Variants in ZNF439 observed in about 807,000 individuals in gnomAD.
The protein encoded by ZNF439 is zinc finger protein 439.
A neutral mutation model predicts 47.3 loss-of-function variants in ZNF439; 40 were observed. The ratio of observed to expected loss-of-function variants is 0.85; its 90% CI spans 0.66 to 1.10. The LOEUF (loss-of-function observed/expected upper bound fraction) is 1.10, where lower values mean the gene tolerates loss of function less well. Among genes scored for constraint, ZNF439 ranks in the 50% least tolerant of loss-of-function variants. The pLI is 0.00. For missense variants in ZNF439, 556 were observed against 601.1 expected, an observed-to-expected ratio of 0.93 and a Z score of 0.78; for synonymous variants, 171 against 198.8, an observed-to-expected ratio of 0.86 and a Z score of 1.18.
Position 11,867,432 on chromosome 19 carries a change from T to G in ZNF439, c.378T>G (p.Cys126Trp), listed in dbSNP as rs771449229. The change falls in exon 4 of 4, where the codon TGT (cysteine) becomes TGG (tryptophan). Residue 126 changes from cysteine (C) to tryptophan (W), a missense_variant. Cys to Trp is a radical substitution (Grantham distance 215). Coordinates refer to ENST00000682736, the MANE Select transcript of ZNF439 (RefSeq NM_001348719.2). Reference sequence around the variant, plus strand: ...AAGCTTCTCCTGAAGTAAAATCATGTGACAGCTTTGTGTGTGAAGTTGGCC... The same window carrying G: ...AAGCTTCTCCTGAAGTAAAATCATGGGACAGCTTTGTGTGTGAAGTTGGCC... ...KKKASPEVKS[C>W]DSFVCEVGLG... 5 of 1,614,088 alleles carry G rather than the reference T, an allele frequency of 3.1e-6. No homozygotes were observed. Among genetic ancestry groups the G allele is most frequent in the Non-Finnish European group, 4.2e-6 (5 of 1,179,958 alleles).
At position 11,869,248 on chromosome 19, in the gene ZNF439, TG is replaced by T; in HGVS notation, c.*682del. The T allele has an allele frequency of 4.5e-6, 1 of 222,448 alleles. No homozygotes were observed. The highest frequency in any genetic ancestry group is 9.8e-6 in the Non-Finnish European group (1 of 102,360). 13.8% of individuals were successfully genotyped at this position (222,448 alleles called of 1,614,324 possible). A position where few individuals can be genotyped will look rare whatever the true frequency, so the allele number is the denominator to read the frequency against. ...AGAAACCGTATCAATGTAAGCAATG[TG>T]GGAAAGCCGTCAGATCAGCCTCAAG... On this transcript the variant is annotated 3_prime_UTR_variant, in exon 4 of 4. Transcript: ENST00000682736.
intron 1 of ZNF439, 136 bp from the exon 2 acceptor site, chr19:11,866,069 G>A: frequency 1.3e-6 from 2 of 1,528,512 alleles, no homozygotes; most frequent in East Asian, 2.3e-5. Context: ...TAGACAGAGA[G>A]AAAGGGATCT....
rs748091468 is a variant in ZNF439, at chr19:11,866,316, A to T, written c.175A>T (p.Asn59Tyr). The change falls in exon 2 of 4, where the codon AAC becomes TAC. Residue 59 changes from asparagine to tyrosine, a missense_variant. Physicochemically the swap from Asn to Tyr is moderately radical, Grantham distance 143. Transcript: ENST00000682736. Reference protein sequence around the residue: ...YREVMLETFWNLTSIGKKWKD... With the variant: ...YREVMLETFWYLTSIGKKWKD... ...GGAAGTGATGCTGGAAACTTTCTGG[A>T]ACCTGACCTCTATAGGTAAGGATGA... is the stretch of plus-strand genomic sequence containing the variant. 1.2e-6 allele frequency: 2 copies of T among 1,614,098 alleles called. No homozygotes were observed. The highest frequency in any genetic ancestry group is 1.6e-4 in the Middle Eastern group (1 of 6,062).
In ZNF439 at chr19:11,868,238, C is replaced by G. The variant is rs752019484; in HGVS notation, c.1184C>G (p.Ala395Gly). ...TATAAATGCAAGCAATGTGGTAAAG[C>G]CTTCACTCGTTCCGGTTCCTTTCGA... ...KPYKCKQCGK[A>G]FTRSGSFRYH... The change falls in exon 4 of 4, where the codon GCC becomes GGC. Residue 395 changes from alanine (A) to glycine (G), a missense_variant. Transcript: ENST00000682736. 6.8e-6 allele frequency: 11 copies of G among 1,613,942 alleles called. No individual in the cohort carries two copies. Among genetic ancestry groups the G allele is most frequent in the African/African-American group, 1.3e-5 (1 of 74,894 alleles).
rs1156945207 is a variant in ZNF439, at chr19:11,867,369, C to T, written c.315C>T (p.Thr105=). 6 of 1,613,870 alleles carry T rather than the reference C, an allele frequency of 3.7e-6. No individual in the cohort carries two copies. The highest frequency in any genetic ancestry group is 5.1e-6 in the Non-Finnish European group (6 of 1,179,844). ...ACAGTCATTGTGGAGAAACTTTTAC[C>T]CCAGTTCCAGATGACAGGCTGAACT... The part of the protein sequence containing the change: ...KEDSHCGETF[T]PVPDDRLNFQ... Residue 105 remains threonine, a synonymous_variant, in exon 4 of 4, where the codon ACC becomes ACT. Coordinates refer to ENST00000682736, the MANE Select transcript of ZNF439 (RefSeq NM_001348719.2).
In ZNF439 at chr19:11,861,335, GTACACCCTCCTATC is replaced by G. The variant is rs1976534595; in HGVS notation, c.64-4868_64-4855del. On this transcript the variant is annotated intron_variant, in intron 1 of 3. Coordinates refer to ENST00000682736, the MANE Select transcript of ZNF439 (RefSeq NM_001348719.2). Reference sequence around the variant, plus strand: ...AACTGTACAGGGTGATGTGTCTTCAGTACACCCTCCTATCTTTTCCTGGTTTTGGGTTTTAGAAC... The same window carrying G: ...AACTGTACAGGGTGATGTGTCTTCAGTTTTCCTGGTTTTGGGTTTTAGAAC... Among the ~76,000 whole-genome samples, 3 of 152,312 alleles carry G rather than the reference GTACACCCTCCTATC, an allele frequency of 2.0e-5. No homozygotes were observed. In the South Asian group the frequency reaches 6.2e-4, roughly 32 times the overall value.
chr19:11,862,668 G>A (rs1337813173), intron 1 of ZNF439, among the ~76,000 whole-genome samples: 1 of 152,018 alleles, frequency 6.6e-6, no homozygotes, highest in Non-Finnish European at 1.5e-5. Flanking sequence ...ACTGTCACCA[G>A]CATTTGGAAG....
rs369402827 is a variant in ZNF439, at chr19:11,865,553, G to A, written c.64-652G>A. On this transcript the variant is annotated intron_variant, in intron 1 of 3. Transcript: ENST00000682736. ...CAATGTCATCAAAGATTACACTTTG[G>A]GAACAGGCATTTTCAAGGATACACA... 2.1e-4 allele frequency among the ~76,000 whole-genome samples: 31 copies of A among 150,412 alleles called. No homozygotes were observed. In the South Asian group the frequency reaches 6.4e-3, roughly 31 times the overall value.
At chr19:11,858,176 A>G (rs1976438218) in intron 1 of ZNF439, 1 of 152,188 alleles carries the variant, frequency 6.6e-6, no homozygotes, top group South Asian at 2.1e-4. Context: ...AGAAAGGTCT[A>G]TGCCGGGCGC....
At chr19:11,860,285 CA>C (rs1017057704) in intron 1 of ZNF439, among the ~76,000 whole-genome samples, 1 of 151,214 alleles carries the variant, frequency 6.6e-6, no homozygotes, top group African/African-American at 2.4e-5. Context: ...ACTAAAAATA[CA>C]AAAAAAAATT....
chr19:11,863,625 A>G (rs1976598666), intron 1 of ZNF439, among the ~76,000 whole-genome samples: 1 of 152,062 alleles, frequency 6.6e-6, no homozygotes, highest in South Asian at 2.1e-4. Context: ...ACAGAGTTTT[A>G]TTTTGAATGA....
At chr19:11,852,942 T>A (rs532899663) in intron 1 of ZNF439, among the ~76,000 whole-genome samples, 22 of 152,280 alleles carry the variant, frequency 1.4e-4, no homozygotes, top group East Asian at 3.9e-4. Context: ...TTATTTATTT[T>A]TTTTGAGACG....
chr19:11,858,495 G>T (rs1194254255), intron 1 of ZNF439, among the ~76,000 whole-genome samples: 1 of 149,830 alleles, frequency 6.7e-6, no homozygotes, highest in Non-Finnish European at 1.5e-5. Flanking sequence ...GGGGTCTATT[G>T]CTACAAGAGG....
intron 1 of ZNF439, among the ~76,000 whole-genome samples, chr19:11,862,397 TAC>T (rs1434470654): frequency 1.3e-5 from 2 of 152,062 alleles, no homozygotes; most frequent in African/African-American, 4.8e-5. Flanking sequence ...GCCTGGTAGA[TAC>T]AGTGTGAGAA....
In ZNF439 at chr19:11,867,582, C is replaced by T; in HGVS notation, c.528C>T (p.Pro176=). ...QQPKKAFRYH[P]SLRTQERDHT... ...CTAAAAAAGCCTTCAGATATCACCC[C>T]TCCTTGAGAACACAAGAAAGGGATC... Residue 176 remains proline (P), a synonymous_variant, in exon 4 of 4, where the codon CCC becomes CCT. Coordinates refer to ENST00000682736, the MANE Select transcript of ZNF439 (RefSeq NM_001348719.2). 1 of 1,614,162 alleles carries T rather than the reference C, an allele frequency of 6.2e-7. No individual in the cohort carries two copies. Among genetic ancestry groups the T allele is most frequent in the Non-Finnish European group, 8.5e-7 (1 of 1,180,026 alleles).
intron 1 of ZNF439, among the ~76,000 whole-genome samples, chr19:11,863,697 A>T (rs1976600912): frequency 6.6e-6 from 1 of 152,114 alleles, no homozygotes; most frequent in East Asian, 1.9e-4. Context: ...GTGAAACCTG[A>T]TTGCCAAATC....
At position 11,854,907 on chromosome 19, in the gene ZNF439, G is replaced by A. The variant is rs370528931; in HGVS notation, c.63+5977G>A. Among the ~76,000 whole-genome samples the A allele has an allele frequency of 3.4e-4, 52 of 152,294 alleles. 1 individual carries two copies. In the East Asian group the frequency reaches 7.1e-3, roughly 21 times the overall value. On this transcript the variant is annotated intron_variant, in intron 1 of 3. Coordinates refer to ENST00000682736, the MANE Select transcript of ZNF439 (RefSeq NM_001348719.2). ...GACATAAGGATTAAAAACACAAACC[G>A]TAAACTGAGTGGTGATATTCTTTAC...
intron 1 of ZNF439, among the ~76,000 whole-genome samples, chr19:11,860,115 G>C (rs934428776): frequency 6.6e-6 from 1 of 152,088 alleles, no homozygotes; most frequent in Non-Finnish European, 1.5e-5. Flanking sequence ...GCATCTTAGT[G>C]TCTGAGAACT....
chr19:11,865,956 A>G, intron 1 of ZNF439: 1 of 1,179,682 alleles, frequency 8.5e-7, no homozygotes, highest in East Asian at 3.4e-5. Flanking sequence ...GAACCCCGGC[A>G]GTGAGCCGAG....
Sources: gnomAD v4.1 joint callset for allele counts (sites outside exome capture counted in the v4.1 genomes callset) on GRCh38, gnomAD v4.1.1 for gene constraint, MANE v1.5 for transcripts, NCBI Gene and HGNC (gene_info 2026-07-23, HGNC 2026-07-21) for gene names.